UBE2E2: variants seen among roughly 807,000 people sequenced by gnomAD.
The protein encoded by UBE2E2 is ubiquitin conjugating enzyme E2 E2.
UBE2E2 carries 6 observed loss-of-function variants against 24.7 expected under a neutral mutation model. The observed-to-expected ratio is 0.24, with a 90% confidence interval of 0.13 to 0.48. The LOEUF (loss-of-function observed/expected upper bound fraction) is 0.48, where lower values mean the gene tolerates loss of function less well. UBE2E2 is among the 20% of genes least tolerant of loss of function. The pLI is 0.99. For missense variants in UBE2E2, 169 were observed against 245.0 expected (o/e 0.69, Z 2.07); for synonymous variants, 104 against 83.6 (o/e 1.24, Z -1.33).
At chr3:23,253,287 A>G (rs1381846255) in intron 3 of UBE2E2, among the ~76,000 whole-genome samples, 2 of 152,256 alleles carry the variant, frequency 1.3e-5, no homozygotes, top group Non-Finnish European at 2.9e-5. Flanking sequence ...ACAAACTGGA[A>G]AAATGTATTC....
At chr3:23,557,551 G>T (rs567537350) in intron 5 of UBE2E2, among the ~76,000 whole-genome samples, 1 of 152,210 alleles carries the variant, frequency 6.6e-6, no homozygotes, top group East Asian at 1.9e-4. Context: ...ATACACCTTT[G>T]GGGTGTAGGA....
intron 3 of UBE2E2, among the ~76,000 whole-genome samples, chr3:23,243,092 AAAAAAG>A (rs1559453228): frequency 2.0e-5 from 3 of 151,916 alleles, no homozygotes; most frequent in South Asian, 2.1e-4. Context: ...TTTCAAAAAA[AAAAAAG>A]AAAAGAAAAG....
chr3:23,332,189 G>A (rs1171633114), intron 3 of UBE2E2, among the ~76,000 whole-genome samples: 2 of 152,050 alleles, frequency 1.3e-5, no homozygotes, highest in Non-Finnish European at 2.9e-5. Flanking sequence ...GGTCGCCCAG[G>A]CAAGAGTACA....
At chr3:23,222,958 T>G (rs1163280468) in intron 3 of UBE2E2, among the ~76,000 whole-genome samples, 1 of 151,826 alleles carries the variant, frequency 6.6e-6, no homozygotes, top group Non-Finnish European at 1.5e-5. Flanking sequence ...CATTTTTTAA[T>G]GTACCCTTTG....
At chr3:23,274,286 T>TCCCTCTTTCTTTC (rs1448160707) in intron 3 of UBE2E2, among the ~76,000 whole-genome samples, 1 of 152,166 alleles carries the variant, frequency 6.6e-6, no homozygotes, top group Admixed American at 6.5e-5. Flanking sequence ...ATGATTTTTT[T>TCCCTCTTTCTTTC]CCCTCTTTCT....
At chr3:23,210,558 T>G (rs757570276) in intron 2 of UBE2E2, among the ~76,000 whole-genome samples, 11 of 152,186 alleles carry the variant, frequency 7.2e-5, no homozygotes, top group Non-Finnish European at 1.5e-4. Flanking sequence ...CTACAGTATA[T>G]AGAGAAAGTA....
intron 3 of UBE2E2, chr3:23,323,676 C>G (rs1694807666): frequency 3.7e-6 from 1 of 272,558 alleles, no homozygotes; most frequent in Non-Finnish European, 7.4e-6. Flanking sequence ...GGCTATTCAA[C>G]TTGTGTAAGT....
At chr3:23,285,280 G>C (rs1410624259) in intron 3 of UBE2E2, among the ~76,000 whole-genome samples, 1 of 152,026 alleles carries the variant, frequency 6.6e-6, no homozygotes, top group Non-Finnish European at 1.5e-5. Flanking sequence ...CTTGTCTATT[G>C]ATGAACAGTT....
rs1360847126 is a variant in UBE2E2, at chr3:23,224,156, G to C, written c.227+6844G>C. 1.9e-3 allele frequency among the ~76,000 whole-genome samples: 175 copies of C among 93,708 alleles called. 2 individuals carry two copies. The highest frequency in any genetic ancestry group is 6.8e-3 in the African/African-American group (169 of 24,796). 61.5% of individuals were successfully genotyped at this position (93,708 alleles called of 152,430 possible). On this transcript the variant is annotated intron_variant, in intron 3 of 5. Coordinates refer to ENST00000396703, the MANE Select transcript of UBE2E2 (RefSeq NM_152653.4). ...TCTTGTGGTTCCATGTAAATTTTAGGTTTTTTTTTTTTTTTTTTTTTTTTA... is the reference window on the plus strand; with the variant it reads ...TCTTGTGGTTCCATGTAAATTTTAGCTTTTTTTTTTTTTTTTTTTTTTTTA...
At chr3:23,205,673 A>G (rs1264065065) in intron 1 of UBE2E2, among the ~76,000 whole-genome samples, 1 of 152,188 alleles carries the variant, frequency 6.6e-6, no homozygotes. Context: ...TTGTAGGTTA[A>G]CATTTGGATG....
intron 3 of UBE2E2, among the ~76,000 whole-genome samples, chr3:23,462,274 C>T (rs1260464500): frequency 6.6e-6 from 1 of 152,064 alleles, no homozygotes; most frequent in African/African-American, 2.4e-5. Flanking sequence ...ATCAAGAACA[C>T]TTGTTACCAT....
At chr3:23,487,052 C>A (rs892177607) in intron 3 of UBE2E2, among the ~76,000 whole-genome samples, 1 of 152,176 alleles carries the variant, frequency 6.6e-6, no homozygotes, top group Non-Finnish European at 1.5e-5. Context: ...GCCTGCAGGC[C>A]CATGCTGAGC....
intron 3 of UBE2E2, among the ~76,000 whole-genome samples, chr3:23,478,898 T>TATA (rs1559396453): frequency 2.0e-4 from 12 of 60,992 alleles, no homozygotes; most frequent in Admixed American, 2.7e-4. Flanking sequence ...ATATATATAT[T>TATA]TTTTTTTTAA....
chr3:23,469,271 CACAA>C (rs1251795505), intron 3 of UBE2E2, among the ~76,000 whole-genome samples: 1 of 152,182 alleles, frequency 6.6e-6, no homozygotes, highest in African/African-American at 2.4e-5. Flanking sequence ...TTGTGGGGGA[CACAA>C]ACATTCTATC....
chr3:23,495,900 A>AT (rs1282995525), intron 3 of UBE2E2, among the ~76,000 whole-genome samples: 3 of 151,800 alleles, frequency 2.0e-5, no homozygotes, highest in Non-Finnish European at 4.4e-5. Context: ...GATAACTGTG[A>AT]TTTTATTTAC....
chr3:23,390,036 C>T (rs916976818), intron 3 of UBE2E2: 6 of 152,194 alleles, frequency 3.9e-5, no homozygotes, highest in Admixed American at 3.9e-4. Flanking sequence ...CTCCTAGATG[C>T]TTGAGGAAAC....
intron 3 of UBE2E2, among the ~76,000 whole-genome samples, chr3:23,294,589 G>C (rs1454299329): frequency 2.8e-5 from 4 of 144,130 alleles, no homozygotes; most frequent in Non-Finnish European, 6.1e-5. Context: ...ATCTTTATTA[G>C]TTTTTTTATT....
intron 3 of UBE2E2, among the ~76,000 whole-genome samples, chr3:23,403,002 A>G (rs1697269059): frequency 1.3e-5 from 2 of 152,182 alleles, no homozygotes; most frequent in African/African-American, 4.8e-5. Flanking sequence ...TGGCAGCCTC[A>G]GGGGCAGATT....
chr3:23,279,693 A>G (rs936394165), intron 3 of UBE2E2, among the ~76,000 whole-genome samples: 2 of 152,198 alleles, frequency 1.3e-5, no homozygotes, highest in African/African-American at 4.8e-5. Flanking sequence ...TTCTCTAATC[A>G]GTGCTGTTGG....
Sources: allele counts gnomAD v4.1 joint callset (sites outside exome capture counted in the v4.1 genomes callset), GRCh38; gene constraint gnomAD v4.1.1; transcripts MANE v1.5; gene names NCBI Gene and HGNC (gene_info 2026-07-23, HGNC 2026-07-21).